The following RIN2 variants were observed in gnomAD, a reference collection of about 807,000 sequenced individuals.
RIN2 encodes RAB5 interacting protein 2.
A neutral mutation model predicts 78.0 loss-of-function variants in RIN2; 36 were observed. That is an observed-to-expected ratio of 0.46 (90% CI 0.35 to 0.61). The LOEUF (loss-of-function observed/expected upper bound fraction) is 0.61, where lower values mean the gene tolerates loss of function less well. RIN2 is among the 20% of genes least tolerant of loss of function. RIN2 has a pLI of 0.00. For synonymous variants in RIN2, 466 were observed against 466.8 expected (o/e 1.00, Z 0.02); for missense variants, 1,087 against 1,159.7 (o/e 0.94, Z 0.91).
chr20:19,936,051 G>A (rs2040626698), intron 4 of RIN2, among the ~76,000 whole-genome samples: 1 of 152,206 alleles, frequency 6.6e-6, no homozygotes, highest in South Asian at 2.1e-4. Flanking sequence ...GGTTCTGGTT[G>A]TCCAGGCAAG....
At chr20:19,923,436 A>AAATAAAATATAATAT (rs1568613783) in intron 3 of RIN2, among the ~76,000 whole-genome samples, 1 of 120,160 alleles carries the variant, frequency 8.3e-6, no homozygotes, top group Non-Finnish European at 1.6e-5. Flanking sequence ...AAATAAAATA[A>AAATAAAATATAATAT]AATAAAATAA....
rs1171187889 is a variant in RIN2 at position 20,001,238 on chromosome 20, T to A, written c.*302T>A. 1 of 315,196 alleles carries A rather than the reference T, an allele frequency of 3.2e-6. No individual in the cohort carries two copies. The highest frequency in any genetic ancestry group is 2.1e-5 in the African/African-American group (1 of 48,272). 19.5% of individuals were successfully genotyped at this position (315,196 alleles called of 1,614,324 possible). A position where few individuals can be genotyped will look rare whatever the true frequency, so the allele number is the denominator to read the frequency against. On this transcript the variant is annotated 3_prime_UTR_variant, in exon 13 of 13. Coordinates refer to ENST00000255006, the MANE Select transcript of RIN2 (RefSeq NM_018993.4). ...AGGTTGGCTTACAGGTATGTATATG[T>A]GCAGAAGAAACACTTAAGATACAAG...
intron 2 of RIN2, among the ~76,000 whole-genome samples, chr20:19,858,474 T>C (rs148305441): frequency 5.9e-5 from 9 of 152,318 alleles, no homozygotes; most frequent in African/African-American, 1.9e-4. Flanking sequence ...TTGCGTCTCT[T>C]AGAGTGTTTG....
chr20:19,974,551 C>A (rs901321949), intron 8 of RIN2, 103 bp from the exon 9 acceptor site: 1 of 1,187,504 alleles, frequency 8.4e-7, no homozygotes. Flanking sequence ...TACCCCACCC[C>A]GCAAGACTCG....
chr20:19,937,350 C>T (rs1056891532), intron 4 of RIN2, among the ~76,000 whole-genome samples: 9 of 152,302 alleles, frequency 5.9e-5, no homozygotes, highest in Non-Finnish European at 1.2e-4. Context: ...GTGGCGAGCA[C>T]CGCCCGGGCC....
At chr20:19,886,637 C>A in intron 2 of RIN2, 7 of 507,506 alleles carry the variant, frequency 1.4e-5, no homozygotes, top group Admixed American at 4.6e-5. Flanking sequence ...TTTTTGCTAG[C>A]TTTTAGCTAG....
chr20:19,763,023 C>T (rs1028866665), intron 1 of RIN2, among the ~76,000 whole-genome samples: 4 of 152,116 alleles, frequency 2.6e-5, no homozygotes, highest in African/African-American at 9.7e-5. Flanking sequence ...CCTTGGCCTC[C>T]CAAAATGCAG....
Position 19,923,479 on chromosome 20 carries a change from A to AAAAT in RIN2, c.58-11616_58-11613dup, listed in dbSNP as rs1424451988. 9.0e-4 allele frequency among the ~76,000 whole-genome samples: 123 copies of AAAAT among 136,884 alleles called. 1 individual carries two copies. The highest frequency in any genetic ancestry group is 3.2e-3 in the African/African-American group (116 of 36,180). 89.8% of individuals were successfully genotyped at this position (136,884 alleles called of 152,430 possible). A position where few individuals can be genotyped will look rare whatever the true frequency, so the allele number is the denominator to read the frequency against. Reference sequence around the variant, plus strand: ...TAAAATAAAATAAAATAAATAAAATAAAATAAAATAAATATTGGCTGAGAG... The same window carrying AAAAT: ...TAAAATAAAATAAAATAAATAAAATAAAATAAATAAAATAAATATTGGCTGAGAG... On this transcript the variant is annotated intron_variant, in intron 3 of 12. Transcript: ENST00000255006.
intron 7 of RIN2, among the ~76,000 whole-genome samples, chr20:19,966,001 T>C (rs563680576): frequency 1.6e-4 from 24 of 152,308 alleles, no homozygotes; most frequent in African/African-American, 5.1e-4. Flanking sequence ...TTACTAGCAA[T>C]AACAGTTTTT....
Position 19,998,610 on chromosome 20 carries a change from CA to C in RIN2, c.2364+1773del, listed in dbSNP as rs542999969. On this transcript the variant is annotated intron_variant, in intron 12 of 12. Transcript: ENST00000255006. ...TGGGCAGCAGAATGAGACCCTGTATCAAAAACAAACAAACAAAAAGGCAAGC... is the reference window on the plus strand; with the variant it reads ...TGGGCAGCAGAATGAGACCCTGTATCAAAACAAACAAACAAAAAGGCAAGC... 7.2e-5 allele frequency among the ~76,000 whole-genome samples: 11 copies of C among 152,218 alleles called. No homozygotes were observed. The South Asian group carries it at 1.0e-3, about 14-fold the overall frequency.
At chr20:19,851,077 GAA>G in intron 2 of RIN2, among the ~76,000 whole-genome samples, 1 of 151,592 alleles carries the variant, frequency 6.6e-6, no homozygotes, top group African/African-American at 2.4e-5. Flanking sequence ...AGGAAGGAAG[GAA>G]GGAAGGTAGG....
At chr20:19,875,872 G>A (rs1600676117) in intron 2 of RIN2, among the ~76,000 whole-genome samples, 1 of 152,194 alleles carries the variant, frequency 6.6e-6, no homozygotes, top group Non-Finnish European at 1.5e-5. Flanking sequence ...CGCAGTCCAA[G>A]GCCTGAGTGA....
intron 4 of RIN2, among the ~76,000 whole-genome samples, chr20:19,949,107 C>T (rs912964064): frequency 2.6e-5 from 4 of 152,122 alleles, no homozygotes; most frequent in African/African-American, 7.2e-5. Context: ...GGTGAAACCT[C>T]GTCTCTACTA....
At chr20:19,852,270 C>T (rs2037006781) in intron 2 of RIN2, among the ~76,000 whole-genome samples, 1 of 152,090 alleles carries the variant, frequency 6.6e-6, no homozygotes, top group African/African-American at 2.4e-5. Flanking sequence ...GTAACATGAC[C>T]AAGGTGATTC....
In RIN2 at chr20:20,001,174, G is replaced by GT. The variant is rs1045536626; in HGVS notation, c.*239dup. The GT allele has an allele frequency of 2.0e-6, 1 of 506,668 alleles. No individual in the cohort carries two copies. The highest frequency in any genetic ancestry group is 3.3e-5 in the Admixed American group (1 of 30,678). The allele number at this position is 506,668 out of a possible 1,614,324, so 31.4% of individuals were successfully genotyped here. A position where few individuals can be genotyped will look rare whatever the true frequency, so the allele number is the denominator to read the frequency against. Reference sequence around the variant, plus strand: ...GAGAATTGCATCTGATGGTTCAAGTGTCCTGAGATTGTTTGCTACCTACCC... The same window carrying GT: ...GAGAATTGCATCTGATGGTTCAAGTGTTCCTGAGATTGTTTGCTACCTACCC... On this transcript the variant is annotated 3_prime_UTR_variant, in exon 13 of 13. Coordinates refer to ENST00000255006, the MANE Select transcript of RIN2 (RefSeq NM_018993.4).
At chr20:19,758,204 CCCCCTTCCT>C (rs2033454719), upstream of RIN2, 2 of 152,202 alleles carry the variant, frequency 1.3e-5, no homozygotes, top group Non-Finnish European at 2.9e-5. Flanking sequence ...CCTCCTTTCT[CCCCCTTCCT>C]CCTCTTCCTC....
chr20:19,780,306 C>T (rs898447638), intron 1 of RIN2, among the ~76,000 whole-genome samples: 16 of 152,142 alleles, frequency 1.1e-4, no homozygotes, highest in African/African-American at 2.9e-4. Flanking sequence ...AGACAGCTTC[C>T]GATAGTGGTC....
chr20:19,827,810 CTT>C (rs34007899), intron 2 of RIN2, among the ~76,000 whole-genome samples: 5,327 of 138,292 alleles, frequency 0.039, 109 homozygotes, highest in Middle Eastern at 0.05. Flanking sequence ...TTCTTTTTTT[CTT>C]TTTTTTTTTT....
chr20:19,831,241 C>T (rs767662282), intron 2 of RIN2, among the ~76,000 whole-genome samples: 7 of 152,076 alleles, frequency 4.6e-5, no homozygotes, highest in East Asian at 1.9e-4. Context: ...TAGTTTCGTT[C>T]GTCTAAAAAC....
Sources: gnomAD v4.1 joint callset for allele counts (sites outside exome capture counted in the v4.1 genomes callset) on GRCh38, gnomAD v4.1.1 for gene constraint, MANE v1.5 for transcripts, NCBI Gene and HGNC (gene_info 2026-07-23, HGNC 2026-07-21) for gene names.